Variants in KCNB2 observed in about 807,000 individuals in gnomAD.
KCNB2 encodes the protein delayed rectifier potassium channel protein.
KCNB2 carries 15 observed loss-of-function variants against 61.5 expected under a neutral mutation model. The observed-to-expected ratio is 0.24, with a 90% CI of 0.16 to 0.38. The LOEUF (loss-of-function observed/expected upper bound fraction) is 0.38, where lower values mean the gene tolerates loss of function less well. Ranked by LOEUF, KCNB2 falls within the 10% of genes least tolerant of loss-of-function variation. The pLI is 1.00. For synonymous variants in KCNB2, 457 were observed against 446.0 expected, an observed-to-expected ratio of 1.02 and a Z score of -0.31; for missense variants, 828 against 1,125.2, an observed-to-expected ratio of 0.74 and a Z score of 3.78.
chr8:72,734,750 A>T (rs1807810324), intron 2 of KCNB2, among the ~76,000 whole-genome samples: 1 of 152,138 alleles, frequency 6.6e-6, no homozygotes, highest in Admixed American at 6.5e-5. Flanking sequence ...GCTCTAGGGG[A>T]TTACCTGGCT....
Position 72,906,626 on chromosome 8 carries a change from G to A in KCNB2, c.580-29309G>A, listed in dbSNP as rs149359527. ...AAATTAACGTGGTGGAGCCAAAATA[G>A]AGAATTGCATCGTAAGAGAGTGACT... On this transcript the variant is annotated intron_variant, in intron 2 of 2. Coordinates refer to ENST00000523207, the MANE Select transcript of KCNB2 (RefSeq NM_004770.3). Among the ~76,000 whole-genome samples the A allele has an allele frequency of 9.3e-4, 141 of 152,324 alleles. 8 individuals carry two copies. The East Asian group carries it at 0.014, about 16-fold the overall frequency.
chr8:72,929,529 G>A (rs1225025918), intron 2 of KCNB2, among the ~76,000 whole-genome samples: 2 of 152,184 alleles, frequency 1.3e-5, no homozygotes, highest in Non-Finnish European at 2.9e-5. Context: ...CTTCTCTTTT[G>A]AATGTTTTAC....
At chr8:72,738,291 A>G (rs1443667489) in intron 2 of KCNB2, among the ~76,000 whole-genome samples, 2 of 152,162 alleles carry the variant, frequency 1.3e-5, no homozygotes, top group Admixed American at 6.6e-5. Flanking sequence ...ACAAACATGT[A>G]TCTTTCTGCT....
chr8:72,904,393 A>C (rs1328794500), intron 2 of KCNB2, among the ~76,000 whole-genome samples: 1 of 152,118 alleles, frequency 6.6e-6, no homozygotes, highest in East Asian at 1.9e-4. Flanking sequence ...GAGGATCAGG[A>C]AGAATAACTT....
At position 72,547,467 on chromosome 8, in the gene KCNB2, A is replaced by G. The variant is rs73308757; in HGVS notation, c.-94+9582A>G. ...TTCACCATTCTAGATGCCATTAAGA[A>G]CGTTTGTGATTGATGGGAGGAAGTC... On this transcript the variant is annotated intron_variant, in intron 1 of 2. Coordinates refer to ENST00000523207, the MANE Select transcript of KCNB2 (RefSeq NM_004770.3). Among the ~76,000 whole-genome samples, 424 of 152,316 alleles carry G rather than the reference A, an allele frequency of 2.8e-3. 7 individuals are homozygous for G. Among genetic ancestry groups the G allele is most frequent in the African/African-American group, 9.6e-3 (401 of 41,560 alleles).
At chr8:72,598,074 A>C (rs1479309863) in intron 2 of KCNB2, among the ~76,000 whole-genome samples, 3 of 148,668 alleles carry the variant, frequency 2.0e-5, no homozygotes, top group Non-Finnish European at 3.0e-5. Context: ...ACATGGAATC[A>C]ACCTAAATGT....
intron 2 of KCNB2, among the ~76,000 whole-genome samples, chr8:72,612,835 G>C (rs1435928077): frequency 6.6e-6 from 1 of 152,072 alleles, no homozygotes; most frequent in Non-Finnish European, 1.5e-5. Context: ...TTAATATAAA[G>C]TACAGCATGA....
At chr8:72,611,884 G>T (rs1215118321) in intron 2 of KCNB2, among the ~76,000 whole-genome samples, 2 of 151,796 alleles carry the variant, frequency 1.3e-5, no homozygotes, top group Non-Finnish European at 2.9e-5. Context: ...GTTTTCAAAT[G>T]GGAACAATAG....
chr8:72,771,190 A>G (rs1808551610), intron 2 of KCNB2, among the ~76,000 whole-genome samples: 1 of 152,210 alleles, frequency 6.6e-6, no homozygotes, highest in South Asian at 2.1e-4. Flanking sequence ...AAAAGTTGTG[A>G]TGATAAAAAG....
intron 2 of KCNB2, among the ~76,000 whole-genome samples, chr8:72,868,904 A>C (rs1333680021): frequency 1.3e-5 from 2 of 152,166 alleles, no homozygotes; most frequent in African/African-American, 4.8e-5. Flanking sequence ...CACCCATCAC[A>C]AAGCAAATGA....
Position 72,546,602 on chromosome 8 carries a change from A to G in KCNB2, c.-94+8717A>G, listed in dbSNP as rs115853946. On this transcript the variant is annotated intron_variant, in intron 1 of 2. Coordinates refer to ENST00000523207, the MANE Select transcript of KCNB2 (RefSeq NM_004770.3). Reference sequence around the variant, plus strand: ...TTACCCACAATATTTAGCTAAGATCATTGATGAAGGTGGCTACAATTAACA... The same window carrying G: ...TTACCCACAATATTTAGCTAAGATCGTTGATGAAGGTGGCTACAATTAACA... Among the ~76,000 whole-genome samples, 1,011 of 152,144 alleles carry G rather than the reference A, an allele frequency of 6.6e-3. 8 individuals are homozygous for G. The highest frequency in any genetic ancestry group is 0.023 in the African/African-American group (958 of 41,516).
At chr8:72,674,058 C>A (rs1437700534) in intron 2 of KCNB2, among the ~76,000 whole-genome samples, 1 of 152,204 alleles carries the variant, frequency 6.6e-6, no homozygotes, top group African/African-American at 2.4e-5. Context: ...CATTTTCCCT[C>A]TGCATCCAGA....
chr8:72,587,019 T>C (rs1807010969), intron 2 of KCNB2, among the ~76,000 whole-genome samples: 2 of 152,234 alleles, frequency 1.3e-5, no homozygotes, highest in African/African-American at 4.8e-5. Context: ...ATAGCAAAGA[T>C]GAATCTTAAA....
At chr8:72,683,827 T>C (rs560208023) in intron 2 of KCNB2, among the ~76,000 whole-genome samples, 3 of 152,190 alleles carry the variant, frequency 2.0e-5, no homozygotes, top group Admixed American at 2.0e-4. Context: ...AGTGCAGAGA[T>C]GGGGCACTTA....
At chr8:72,618,499 C>G (rs973136148) in intron 2 of KCNB2, among the ~76,000 whole-genome samples, 7 of 152,036 alleles carry the variant, frequency 4.6e-5, no homozygotes, top group African/African-American at 1.7e-4. Flanking sequence ...ATTTTAGTTA[C>G]TCATTTTTTT....
chr8:72,922,430 AC>A (rs1215836036), intron 2 of KCNB2, among the ~76,000 whole-genome samples: 1 of 152,168 alleles, frequency 6.6e-6, no homozygotes, highest in African/African-American at 2.4e-5. Flanking sequence ...AATACCTTAG[AC>A]TGTGTAATTT....
chr8:72,715,605 G>C (rs1807422324), intron 2 of KCNB2, among the ~76,000 whole-genome samples: 2 of 152,164 alleles, frequency 1.3e-5, no homozygotes, highest in Non-Finnish European at 2.9e-5. Flanking sequence ...GATGTTCTTT[G>C]AAACCAACGA....
chr8:72,629,735 G>A (rs1563543420), intron 2 of KCNB2, among the ~76,000 whole-genome samples: 1 of 152,280 alleles, frequency 6.6e-6, no homozygotes, highest in East Asian at 1.9e-4. Context: ...ACAACACATG[G>A]CCCCTTTAAG....
intron 2 of KCNB2, among the ~76,000 whole-genome samples, chr8:72,731,353 A>G (rs1370556207): frequency 2.0e-5 from 3 of 152,228 alleles, no homozygotes; most frequent in African/African-American, 7.2e-5. Context: ...GGACATAATT[A>G]ATTTCTTTTA....
Sources: allele counts gnomAD v4.1 joint callset (sites outside exome capture counted in the v4.1 genomes callset), GRCh38; gene constraint gnomAD v4.1.1; transcripts MANE v1.5; gene names NCBI Gene and HGNC (gene_info 2026-07-23, HGNC 2026-07-21).